CFAP61: variants seen among roughly 807,000 people sequenced by gnomAD.
The protein encoded by CFAP61 is cilia and flagella associated protein 61, also known as cilia- and flagella-associated protein 61.
Under a neutral mutation model 135.6 loss-of-function variants are expected in CFAP61, and 107 were observed. The observed-to-expected ratio is 0.79, with a 90% CI of 0.67 to 0.93. The LOEUF is 0.93. Ranked by LOEUF, CFAP61 falls within the 40% of genes least tolerant of loss-of-function variation. The pLI, the probability that CFAP61 is intolerant of heterozygous loss-of-function variation, is 0.00. For missense variants in CFAP61, 1,507 were observed against 1,556.2 expected, an observed-to-expected ratio of 0.97 and a Z score of 0.53; for synonymous variants, 575 against 578.5, an observed-to-expected ratio of 0.99 and a Z score of 0.09.
intron 21 of CFAP61, among the ~76,000 whole-genome samples, chr20:20,275,353 T>C (rs1335504272): frequency 6.6e-6 from 1 of 152,258 alleles, no homozygotes; most frequent in Non-Finnish European, 1.5e-5. Context: ...ACTCTTAAGA[T>C]AACCGAAGTC....
intron 8 of CFAP61, among the ~76,000 whole-genome samples, chr20:20,100,888 A>G (rs917586126): frequency 6.6e-6 from 1 of 152,222 alleles, no homozygotes; most frequent in Non-Finnish European, 1.5e-5. Context: ...ACCTCCTTCA[A>G]TATTTTTACC....
intron 26 of CFAP61, among the ~76,000 whole-genome samples, chr20:20,346,029 G>A (rs1327156071): frequency 2.9e-5 from 4 of 140,160 alleles, no homozygotes; most frequent in African/African-American, 1.0e-4. Context: ...AGCCTCCCGA[G>A]TAGCTGGGAC....
In CFAP61 at chr20:20,251,761, C is replaced by G; in HGVS notation, c.2326C>G (p.Gln776Glu). 6.2e-7 allele frequency: 1 copy of G among 1,613,278 alleles called. No homozygotes were observed. The highest frequency in any genetic ancestry group is 1.1e-5 in the South Asian group (1 of 91,068). Residue 776 changes from glutamine (Q) to glutamate (E), a missense_variant and splice_region_variant, in exon 20 of 27, where the codon CAG (glutamine) becomes GAG (glutamate). By Grantham distance (29) the Gln-to-Glu change is conservative. Coordinates refer to ENST00000245957, the MANE Select transcript of CFAP61 (RefSeq NM_015585.4). Reference sequence around the variant, plus strand: ...CATCCTCTGCACCGGGCAGCAGTACCAGGTAAGGCCGGGCACAGGGGGCGC... The same window carrying G: ...CATCCTCTGCACCGGGCAGCAGTACGAGGTAAGGCCGGGCACAGGGGGCGC... ...HLILCTGQQY[Q>E]VPCPTEADIS...
rs559318001 is a variant in CFAP61 at position 20,348,807 on chromosome 20, A to C, written c.3513+6886A>C. ...TTATGGTAAAAACACTAAAAAAAAA[A>C]AAAAACAAACTGTCAATAGAAGGGA... is the stretch of plus-strand genomic sequence containing the variant. On this transcript the variant is annotated intron_variant, in intron 26 of 26. Coordinates refer to ENST00000245957, the MANE Select transcript of CFAP61 (RefSeq NM_015585.4). 1.1e-4 allele frequency among the ~76,000 whole-genome samples: 16 copies of C among 151,938 alleles called. No individual in the cohort carries two copies. The East Asian group carries it at 3.1e-3, about 29-fold the overall frequency.
At chr20:20,344,559 C>T (rs1016064059) in intron 26 of CFAP61, among the ~76,000 whole-genome samples, 1 of 152,230 alleles carries the variant, frequency 6.6e-6, no homozygotes, top group African/African-American at 2.4e-5. Context: ...AACATCATCT[C>T]ACCCCAGTGA....
At chr20:20,236,284 T>C (rs1428419820) in intron 18 of CFAP61, among the ~76,000 whole-genome samples, 11 of 152,174 alleles carry the variant, frequency 7.2e-5, no homozygotes, top group Admixed American at 3.3e-4. Flanking sequence ...GTTTCAGGAA[T>C]ATGTACAGTA....
intron 14 of CFAP61, among the ~76,000 whole-genome samples, chr20:20,188,691 G>T (rs369104673): frequency 5.3e-5 from 8 of 152,186 alleles, no homozygotes; most frequent in African/African-American, 1.7e-4. Context: ...CACATGGAAA[G>T]ATGAAAGAAT....
chr20:20,351,841 C>T (rs1194917481), intron 26 of CFAP61, among the ~76,000 whole-genome samples: 1 of 151,622 alleles, frequency 6.6e-6, no homozygotes, highest in East Asian at 1.9e-4. Context: ...AGATTCAATG[C>T]AATTCCTATC....
intron 2 of CFAP61, among the ~76,000 whole-genome samples, chr20:20,061,634 T>C (rs189239096): frequency 6.6e-6 from 1 of 152,322 alleles, no homozygotes; most frequent in African/African-American, 2.4e-5. Context: ...TTTAAACTTA[T>C]ATGCTTCTAA....
At chr20:20,294,096 G>C (rs753680383) in intron 24 of CFAP61, among the ~76,000 whole-genome samples, 4 of 152,196 alleles carry the variant, frequency 2.6e-5, no homozygotes, top group Admixed American at 2.0e-4. Context: ...CAATTTGCTC[G>C]TATACTTAAA....
intron 10 of CFAP61, among the ~76,000 whole-genome samples, chr20:20,162,953 A>G (rs1186287942): frequency 6.6e-6 from 1 of 152,194 alleles, no homozygotes; most frequent in Non-Finnish European, 1.5e-5. Context: ...GGAAGAGGGT[A>G]GTATGAGAGG....
At chr20:20,122,058 G>C (rs991390966) in intron 8 of CFAP61, among the ~76,000 whole-genome samples, 56 of 151,926 alleles carry the variant, frequency 3.7e-4, no homozygotes, top group African/African-American at 1.3e-3. Flanking sequence ...CACCCAGGCA[G>C]TATACATTGT....
At chr20:20,077,656 G>A (rs2046147528) in intron 6 of CFAP61, among the ~76,000 whole-genome samples, 1 of 152,224 alleles carries the variant, frequency 6.6e-6, no homozygotes, top group South Asian at 2.1e-4. Context: ...AATGTAAGAT[G>A]TGCATTGGTT....
chr20:20,211,737 A>G (rs1303675413), intron 17 of CFAP61, among the ~76,000 whole-genome samples: 2 of 152,208 alleles, frequency 1.3e-5, no homozygotes, highest in Admixed American at 1.3e-4. Flanking sequence ...ATTTTTTCAT[A>G]TAATTCAGTG....
chr20:20,284,882 A>G (rs923816523), intron 22 of CFAP61, among the ~76,000 whole-genome samples: 1 of 152,182 alleles, frequency 6.6e-6, no homozygotes, highest in South Asian at 2.1e-4. Flanking sequence ...AGATACTCAG[A>G]TATTTACTAA....
intron 25 of CFAP61, among the ~76,000 whole-genome samples, chr20:20,325,786 G>C (rs878959471): frequency 6.6e-6 from 1 of 152,096 alleles, no homozygotes; most frequent in Non-Finnish European, 1.5e-5. Context: ...AGAAACCACC[G>C]AACTGTCTTC....
chr20:20,159,495 C>T (rs773728434), intron 10 of CFAP61, 51 bp downstream of exon 10: 19 of 1,467,580 alleles, frequency 1.3e-5, no homozygotes, highest in Non-Finnish European at 1.7e-5. Context: ...CCATGGGTTT[C>T]ACACCTTTCT....
intron 17 of CFAP61, among the ~76,000 whole-genome samples, chr20:20,210,413 C>T (rs1325477812): frequency 6.6e-6 from 1 of 152,218 alleles, no homozygotes; most frequent in East Asian, 1.9e-4. Context: ...ACTCAAAAAA[C>T]CTTCTTGCAA....
intron 25 of CFAP61, among the ~76,000 whole-genome samples, chr20:20,311,588 C>A (rs563524768): frequency 1.3e-5 from 2 of 151,834 alleles, no homozygotes; most frequent in South Asian, 4.2e-4. Flanking sequence ...CCGGGGAGAC[C>A]AAGGCAGGTG....
Sources: allele counts gnomAD v4.1 joint callset (sites outside exome capture counted in the v4.1 genomes callset), GRCh38; gene constraint gnomAD v4.1.1; transcripts MANE v1.5; gene names NCBI Gene and HGNC (gene_info 2026-07-23, HGNC 2026-07-21).